NEGR1: variants seen among roughly 807,000 people sequenced by gnomAD.
NEGR1 encodes neuronal growth regulator 1, also known as IgLON family member 4.
NEGR1 carries 10 observed loss-of-function variants against 40.9 expected under a neutral mutation model. The observed-to-expected ratio is 0.24, with a 90% CI of 0.15 to 0.42. The LOEUF (loss-of-function observed/expected upper bound fraction) is 0.42, where lower values mean the gene tolerates loss of function less well. Ranked by LOEUF, NEGR1 falls within the 10% of genes least tolerant of loss-of-function variation. The pLI is 1.00. For missense variants in NEGR1, 352 were observed against 438.9 expected, an observed-to-expected ratio of 0.80 and a Z score of 1.77; for synonymous variants, 185 against 166.8, an observed-to-expected ratio of 1.11 and a Z score of -0.84.
At chr1:71,512,247 T>C (rs1243248717) in intron 6 of NEGR1, among the ~76,000 whole-genome samples, 2 of 151,900 alleles carry the variant, frequency 1.3e-5, no homozygotes, top group Non-Finnish European at 2.9e-5. Flanking sequence ...GAATATCAAA[T>C]GTAAAAACAG....
chr1:71,552,312 T>TTATA (rs58719904), intron 6 of NEGR1, among the ~76,000 whole-genome samples: 18 of 147,668 alleles, frequency 1.2e-4, no homozygotes, highest in African/African-American at 4.4e-4. Flanking sequence ...GGCCCTTCTA[T>TTATA]TATATATATA....
At chr1:72,172,475 G>C (rs938674804) in intron 1 of NEGR1, among the ~76,000 whole-genome samples, 5 of 151,706 alleles carry the variant, frequency 3.3e-5, no homozygotes, top group Non-Finnish European at 7.4e-5. Context: ...ATAAATAAAG[G>C]GCCCATCATT....
intron 1 of NEGR1, among the ~76,000 whole-genome samples, chr1:72,217,209 C>T (rs1298695830): frequency 1.1e-4 from 17 of 151,626 alleles, no homozygotes; most frequent in Admixed American, 6.6e-4. Context: ...TAATACAGCC[C>T]TTTGTTTATA....
In NEGR1 at chr1:71,809,449, T is replaced by C. The variant is rs141741717; in HGVS notation, c.410-33152A>G. Among the ~76,000 whole-genome samples the C allele has an allele frequency of 2.3e-3, 350 of 152,318 alleles. 3 individuals carry two copies. Among genetic ancestry groups the C allele is most frequent in the African/African-American group, 7.2e-3 (301 of 41,580 alleles). ...ATTTATTCACAAATTATTTCTTGTG[T>C]GTCATCTATTTCTTAGGCTTTGTAT... On this transcript the variant is annotated intron_variant, in intron 2 of 6. Transcript: ENST00000357731.
intron 1 of NEGR1, among the ~76,000 whole-genome samples, chr1:71,974,061 T>C (rs1216653419): frequency 6.6e-6 from 1 of 152,206 alleles, no homozygotes; most frequent in African/African-American, 2.4e-5. Context: ...GATTACTTAG[T>C]AGAGCCATCA....
At chr1:72,172,105 T>A (rs946270849) in intron 1 of NEGR1, among the ~76,000 whole-genome samples, 1 of 152,164 alleles carries the variant, frequency 6.6e-6, no homozygotes, top group African/African-American at 2.4e-5. Context: ...GGTGGAAGGA[T>A]GGAGAGGTCC....
intron 6 of NEGR1, among the ~76,000 whole-genome samples, chr1:71,508,589 C>G (rs1228825107): frequency 6.6e-6 from 1 of 152,166 alleles, no homozygotes; most frequent in Non-Finnish European, 1.5e-5. Context: ...AGGTCTTACC[C>G]TGTGGGAATT....
intron 2 of NEGR1, among the ~76,000 whole-genome samples, chr1:71,838,430 A>T (rs1243920897): frequency 6.6e-6 from 1 of 152,164 alleles, no homozygotes; most frequent in Non-Finnish European, 1.5e-5. Context: ...CATCTATTTT[A>T]AAAATGATTA....
intron 2 of NEGR1, among the ~76,000 whole-genome samples, chr1:71,850,446 C>G (rs561408436): frequency 1.3e-5 from 2 of 152,104 alleles, no homozygotes; most frequent in Non-Finnish European, 2.9e-5. Context: ...CGAGCCACCA[C>G]GCCCAGCCAA....
intron 1 of NEGR1, among the ~76,000 whole-genome samples, chr1:71,986,536 C>T (rs1029985594): frequency 2.6e-5 from 4 of 152,184 alleles, no homozygotes; most frequent in African/African-American, 4.8e-5. Context: ...TCCTCTCTCC[C>T]TTTTTCTGCC....
chr1:71,429,626 C>A (rs1424589478), intron 6 of NEGR1, among the ~76,000 whole-genome samples: 1 of 152,180 alleles, frequency 6.6e-6, no homozygotes, highest in Non-Finnish European at 1.5e-5. Context: ...TCCATCCATA[C>A]CTCATTGTTC....
rs1368411356 is a variant in NEGR1 at position 71,948,496 on chromosome 1, T to TGTGAGA, written c.177-13186_177-13185insTCTCAC. Among the ~76,000 whole-genome samples the TGTGAGA allele has an allele frequency of 6.1e-4, 91 of 148,592 alleles. 1 individual carries two copies. Among genetic ancestry groups the TGTGAGA allele is most frequent in the Middle Eastern group, 3.5e-3 (1 of 284 alleles). On this transcript the variant is annotated intron_variant, in intron 1 of 6. Coordinates refer to ENST00000357731, the MANE Select transcript of NEGR1 (RefSeq NM_173808.3). ...TTCAAAAGGGGCGTGTGTGTGTGTG[T>TGTGAGA]GAGAGAGAGAGAGAGAGAGAGACAG...
intron 1 of NEGR1, among the ~76,000 whole-genome samples, chr1:71,963,002 G>A (rs1378513388): frequency 6.6e-6 from 1 of 151,904 alleles, no homozygotes; most frequent in African/African-American, 2.4e-5. Flanking sequence ...AAATCTCCCA[G>A]TGCCACTCCC....
intron 4 of NEGR1, among the ~76,000 whole-genome samples, chr1:71,640,794 C>T (rs1446611819): frequency 1.3e-5 from 2 of 151,914 alleles, no homozygotes; most frequent in East Asian, 1.9e-4. Context: ...AATATCTTCT[C>T]TATTAATAGA....
chr1:71,726,427 C>T (rs1397457124), intron 3 of NEGR1, among the ~76,000 whole-genome samples: 1 of 151,934 alleles, frequency 6.6e-6, no homozygotes, highest in Admixed American at 6.6e-5. Context: ...ACTAGTTAAA[C>T]AAAAAGGGAA....
intron 2 of NEGR1, among the ~76,000 whole-genome samples, chr1:71,805,672 C>A (rs1657743344): frequency 6.6e-6 from 1 of 152,128 alleles, no homozygotes; most frequent in Admixed American, 6.6e-5. Context: ...AGTTTGCAAA[C>A]AATATTTACA....
chr1:71,547,141 T>C (rs2101464478), intron 6 of NEGR1, among the ~76,000 whole-genome samples: 1 of 151,882 alleles, frequency 6.6e-6, no homozygotes, highest in South Asian at 2.1e-4. Flanking sequence ...AGTTTTGATG[T>C]TTTTGTTTCC....
chr1:71,430,670 T>C (rs1293017008), intron 6 of NEGR1, among the ~76,000 whole-genome samples: 2 of 149,464 alleles, frequency 1.3e-5, no homozygotes, highest in Non-Finnish European at 3.0e-5. Flanking sequence ...AAAAAAAAAG[T>C]TGTGACTCTC....
chr1:72,276,549 T>C (rs1348398424), intron 1 of NEGR1, among the ~76,000 whole-genome samples: 3 of 152,198 alleles, frequency 2.0e-5, no homozygotes, highest in South Asian at 2.1e-4. Flanking sequence ...TTAAATGATA[T>C]ATGAATTCAA....
Sources: allele counts gnomAD v4.1 joint callset (sites outside exome capture counted in the v4.1 genomes callset), GRCh38; gene constraint gnomAD v4.1.1; transcripts MANE v1.5; gene names NCBI Gene and HGNC (gene_info 2026-07-23, HGNC 2026-07-21).